The following BAHCC1 variants were observed in gnomAD, a reference collection of about 807,000 sequenced individuals.
BAHCC1 encodes the protein BAH domain and coiled-coil containing 1.
Under a neutral mutation model 88.2 loss-of-function variants are expected in BAHCC1, and 43 were observed. The ratio of observed to expected loss-of-function variants is 0.49; its 90% CI spans 0.38 to 0.63. The LOEUF is 0.63. BAHCC1 is among the 20% of genes least tolerant of loss of function. The probability of loss-of-function intolerance (pLI) is 0.00; values close to 1 mark genes in which losing one functional copy is unlikely to be tolerated. For missense variants in BAHCC1, 3,023 were observed against 1,654.8 expected, an observed-to-expected ratio of 1.83 and a Z score of -14.34; for synonymous variants, 1,510 against 745.5, an observed-to-expected ratio of 2.03 and a Z score of -16.71.
At chr17:81,440,551 C>T (rs1336291779) in intron 4 of BAHCC1, among the ~76,000 whole-genome samples, 1 of 152,214 alleles carries the variant, frequency 6.6e-6, no homozygotes, top group Non-Finnish European at 1.5e-5. Flanking sequence ...CTTGGCACCA[C>T]CCTGCTGCCC....
chr17:81,397,050 G>A (rs1384159204), intron 1 of BAHCC1: 3 of 152,162 alleles, frequency 2.0e-5, no homozygotes, highest in Non-Finnish European at 2.9e-5. Flanking sequence ...CTCGGGCCGT[G>A]TGGCCGCCCT....
At chr17:81,430,475 C>T (rs1220837920) in intron 3 of BAHCC1, among the ~76,000 whole-genome samples, 2 of 152,190 alleles carry the variant, frequency 1.3e-5, no homozygotes, top group Non-Finnish European at 2.9e-5. Context: ...TGGCCAGCTC[C>T]TGGGGGTCCG....
chr17:81,414,829 G>A (rs548903279), intron 2 of BAHCC1, among the ~76,000 whole-genome samples: 4 of 152,216 alleles, frequency 2.6e-5, no homozygotes, highest in East Asian at 1.9e-4. Flanking sequence ...GGGCCCAGCC[G>A]TGCCCACTCC....
intron 3 of BAHCC1, among the ~76,000 whole-genome samples, chr17:81,429,188 G>C (rs945559256): frequency 1.3e-5 from 2 of 152,170 alleles, no homozygotes; most frequent in African/African-American, 4.8e-5. Context: ...GGCGGGACAA[G>C]GGGGTGCAGG....
chr17:81,430,432 C>T (rs1221095065), intron 3 of BAHCC1, among the ~76,000 whole-genome samples: 3 of 152,134 alleles, frequency 2.0e-5, no homozygotes, highest in African/African-American at 7.2e-5. Flanking sequence ...TGGTCAGAAC[C>T]ACGCCCCACC....
At position 81,443,114 on chromosome 17, in the gene BAHCC1, G is replaced by A. The variant is rs1427143506; in HGVS notation, c.1765G>A (p.Gly589Ser). 1.3e-6 allele frequency: 1 copy of A among 777,820 alleles called. No homozygotes were observed. Among genetic ancestry groups the A allele is most frequent in the Non-Finnish European group, 2.4e-6 (1 of 417,272 alleles). 48.2% of individuals were successfully genotyped at this position (777,820 alleles called of 1,614,324 possible). A position where few individuals can be genotyped will look rare whatever the true frequency, so the allele number is the denominator to read the frequency against. ...CCTGCCCCCATGGGGTGTCCAGGCA[G>A]GCCAGGGCACCGCCATGGCCATCAG... Reference protein sequence around the residue: ...PHLPPWGVQAGQGTAMAISEE... With the variant: ...PHLPPWGVQASQGTAMAISEE... The change falls in exon 5 of 28, where the codon GGC becomes AGC. Residue 589 changes from glycine to serine, a missense_variant. Physicochemically the swap from Gly to Ser is moderately conservative, Grantham distance 56 (BLOSUM62 0). Coordinates refer to ENST00000675386, the MANE Select transcript of BAHCC1 (RefSeq NM_001377448.1).
At chr17:81,457,317 C>T (rs1278394595) in intron 16 of BAHCC1, 93 bp from the exon 17 acceptor site, 9 of 669,580 alleles carry the variant, frequency 1.3e-5, no homozygotes, top group Admixed American at 2.1e-5. Flanking sequence ...CTCACAGCCC[C>T]GCCATAACCG....
At chr17:81,421,828 G>C in intron 2 of BAHCC1, 1 of 209,424 alleles carries the variant, frequency 4.8e-6, no homozygotes, top group South Asian at 4.3e-5. Context: ...AGTCCCTTGG[G>C]GGGGATGGTA....
At chr17:81,431,982 G>T (rs1410492371) in intron 3 of BAHCC1, among the ~76,000 whole-genome samples, 4 of 152,312 alleles carry the variant, frequency 2.6e-5, no homozygotes, top group African/African-American at 9.6e-5. Context: ...TGCGGCATGG[G>T]CCCCTGCTAT....
At chr17:81,454,090 T>TG in intron 14 of BAHCC1, among the ~76,000 whole-genome samples, 1 of 152,224 alleles carries the variant, frequency 6.6e-6, no homozygotes, top group African/African-American at 2.4e-5. Context: ...TGTGGGCAGG[T>TG]GGGGGTTGAA....
Position 81,427,089 on chromosome 17 carries a change from C to T in BAHCC1, c.358+110C>T, listed in dbSNP as rs1001874418. On this transcript the variant is annotated intron_variant, in intron 3 of 27. Coordinates refer to ENST00000675386, the MANE Select transcript of BAHCC1 (RefSeq NM_001377448.1). The stretch of plus-strand genomic sequence containing the variant: ...TCCCATCGTGGCCGTGGGAACCTGG[C>T]CGGTGGACGGTGACAAGCAGGCTCG... 228 of 398,340 alleles carry T rather than the reference C, an allele frequency of 5.7e-4. 3 individuals carry two copies. In the East Asian group the frequency reaches 8.1e-3, roughly 14 times the overall value. 24.7% of individuals were successfully genotyped at this position (398,340 alleles called of 1,614,324 possible).
rs2030576540 is a variant in BAHCC1 at position 81,464,654 on chromosome 17, C to T, written c.*837C>T. 1 of 152,462 alleles carries T rather than the reference C, an allele frequency of 6.6e-6. No individual in the cohort carries two copies. Among genetic ancestry groups the T allele is most frequent in the Non-Finnish European group, 1.5e-5 (1 of 68,048 alleles). The allele number at this position is 152,462 out of a possible 1,614,324, so 9.4% of individuals were successfully genotyped here. A position where few individuals can be genotyped will look rare whatever the true frequency, so the allele number is the denominator to read the frequency against. ...CATCTCACCTGTGTTCAAAACAAGA[C>T]AAAGACGAACAAATATTTTAAAGTA... On this transcript the variant is annotated 3_prime_UTR_variant, in exon 28 of 28. Coordinates refer to ENST00000675386, the MANE Select transcript of BAHCC1 (RefSeq NM_001377448.1).
In BAHCC1 at chr17:81,443,281, G is replaced by GGTGGTGGGCCAGAAAGCACCC; in HGVS notation, c.1933_1953dup (p.Val645_Pro651dup). The GGTGGTGGGCCAGAAAGCACCC allele has an allele frequency of 1.3e-6, 1 of 779,506 alleles. No individual in the cohort carries two copies. Among genetic ancestry groups the GGTGGTGGGCCAGAAAGCACCC allele is most frequent in the Non-Finnish European group, 2.4e-6 (1 of 417,904 alleles). The allele number at this position is 779,506 out of a possible 1,614,324, so 48.3% of individuals were successfully genotyped here. ...TGCTCAAATACAGCAGCCAGGCCCTGGTGGTGGGCCAGAAAGCACCCTTGG... is the reference window on the plus strand; with the variant it reads ...TGCTCAAATACAGCAGCCAGGCCCTGGTGGTGGGCCAGAAAGCACCCGTGGTGGGCCAGAAAGCACCCTTGG... On this transcript the variant is annotated inframe_insertion, in exon 5 of 28. Coordinates refer to ENST00000675386, the MANE Select transcript of BAHCC1 (RefSeq NM_001377448.1).
At position 81,434,684 on chromosome 17, in the gene BAHCC1, G is replaced by A. The variant is rs1276065027; in HGVS notation, c.359-3686G>A. Among the ~76,000 whole-genome samples the A allele has an allele frequency of 6.6e-6, 1 of 152,092 alleles. No homozygotes were observed. Among genetic ancestry groups the A allele is most frequent in the East Asian group, 1.9e-4 (1 of 5,190 alleles). The stretch of plus-strand genomic sequence containing the variant: ...GAAGATACCCCAAGTTCAGCATCCT[G>A]AGAGACCCAGGAGCAGCCCCTGGTT... On this transcript the variant is annotated intron_variant, in intron 3 of 27. Coordinates refer to ENST00000675386, the MANE Select transcript of BAHCC1 (RefSeq NM_001377448.1). This position sits in a 1 kb window ranked among gnomAD's most constrained non-coding sequence, Gnocchi z 4.9.
intron 5 of BAHCC1, 68 bp downstream of exon 5, chr17:81,443,632 C>T (rs183496004): frequency 8.0e-5 from 50 of 622,200 alleles, no homozygotes; most frequent in African/African-American, 4.6e-4. Flanking sequence ...CCCTGCCCTG[C>T]GCCCCGGCTC....
chr17:81,462,093 C>T lies in BAHCC1; in HGVS notation c.7383+47C>T, dbSNP rs577811742. The T allele has an allele frequency of 2.4e-4, 168 of 694,594 alleles. 1 individual carries two copies. The East Asian group carries it at 3.9e-3, about 16-fold the overall frequency. 43.0% of individuals were successfully genotyped at this position (694,594 alleles called of 1,614,324 possible). On this transcript the variant is annotated intron_variant, in intron 26 of 27. Coordinates refer to ENST00000675386, the MANE Select transcript of BAHCC1 (RefSeq NM_001377448.1). ...AGGAGCTCCTGGTTCCCAAGGAAAC[C>T]GGGGCGGGCTCATGCGCCCCTGCTG...
intron 23 of BAHCC1, among the ~76,000 whole-genome samples, chr17:81,459,980 C>T (rs1598514621): frequency 2.6e-5 from 4 of 152,174 alleles, no homozygotes; most frequent in Admixed American, 1.3e-4. Flanking sequence ...GCCAGGTGGG[C>T]GGGAGGCGCC....
intron 10 of BAHCC1, 75 bp from the exon 11 acceptor site, chr17:81,446,961 T>C (rs2064540234): frequency 4.0e-6 from 3 of 758,808 alleles, no homozygotes; most frequent in African/African-American, 1.7e-5. Context: ...TCGAGGCCAC[T>C]GTCCTCCGTC....
rs1463424647 is a variant in BAHCC1, at chr17:81,463,496, CAG to C, written c.7621-113_7621-112del. 1.6e-5 allele frequency: 11 copies of C among 685,640 alleles called. No homozygotes were observed. In the East Asian group the frequency reaches 3.0e-4, roughly 18 times the overall value. 42.5% of individuals were successfully genotyped at this position (685,640 alleles called of 1,614,324 possible). A position where few individuals can be genotyped will look rare whatever the true frequency, so the allele number is the denominator to read the frequency against. ...TCCTCGGCCCCGTCTTCCGGCCACACAGAAGTCCATCCGGTGACCCTTACAGA... is the reference window on the plus strand; with the variant it reads ...TCCTCGGCCCCGTCTTCCGGCCACACAAGTCCATCCGGTGACCCTTACAGA... On this transcript the variant is annotated intron_variant, in intron 27 of 27. Transcript: ENST00000675386.
Sources: gnomAD v4.1 joint callset for allele counts (sites outside exome capture counted in the v4.1 genomes callset) on GRCh38, gnomAD v4.1.1 for gene constraint, Gnocchi (gnomAD v3.1) non-coding constraint, MANE v1.5 for transcripts, NCBI Gene and HGNC (gene_info 2026-07-23, HGNC 2026-07-21) for gene names.